Variants in XPR1 observed in about 807,000 individuals in gnomAD.
The protein encoded by XPR1 is solute carrier family 53 member 1.
XPR1 carries 28 observed loss-of-function variants against 87.5 expected under a neutral mutation model. The ratio of observed to expected loss-of-function variants is 0.32; its 90% confidence interval spans 0.24 to 0.44. The LOEUF is 0.44. Among genes scored for constraint, XPR1 ranks in the 20% least tolerant of loss-of-function variants. The pLI is 1.00. For synonymous variants in XPR1, 300 were observed against 306.1 expected (o/e 0.98, Z 0.21); for missense variants, 559 against 862.3 (o/e 0.65, Z 4.41).
chr1:180,758,146 C>T (rs189277450), intron 2 of XPR1, among the ~76,000 whole-genome samples: 10 of 150,976 alleles, frequency 6.6e-5, no homozygotes, highest in South Asian at 4.2e-4. Context: ...CACACACACA[C>T]ATTATTCAGC....
chr1:180,873,712 T>G, intron 12 of XPR1, 91 bp from the exon 13 acceptor site: 104 of 1,409,984 alleles, frequency 7.4e-5, no homozygotes, highest in Non-Finnish European at 9.6e-5. Context: ...AGGACATGTG[T>G]GAGTCTTGTT....
At chr1:180,754,314 C>G (rs1236192600) in intron 2 of XPR1, among the ~76,000 whole-genome samples, 2 of 152,006 alleles carry the variant, frequency 1.3e-5, no homozygotes, top group African/African-American at 4.8e-5. Flanking sequence ...ACTTTCCCCT[C>G]TAGTTTTATA....
At position 180,880,130 on chromosome 1, in the gene XPR1, T is replaced by C. The variant is rs1652800578; in HGVS notation, c.1863T>C (p.Gly621=). 1 of 1,614,212 alleles carries C rather than the reference T, an allele frequency of 6.2e-7. No individual in the cohort carries two copies. Among genetic ancestry groups the C allele is most frequent in the African/African-American group, 1.3e-5 (1 of 75,050 alleles). ...AGAATGAACATCTGAATAACTGTGG[T>C]GAATTCCGTGCTGTGCGGGACATCT... The part of the protein sequence containing the change: ...RLENEHLNNC[G]EFRAVRDISV... Residue 621 remains glycine (G), a synonymous_variant, in exon 14 of 15, where the codon GGT becomes GGC. Transcript: ENST00000367590.
intron 7 of XPR1, among the ~76,000 whole-genome samples, chr1:180,822,917 TA>T (rs1186657703): frequency 6.6e-6 from 1 of 152,148 alleles, no homozygotes; most frequent in Non-Finnish European, 1.5e-5. Flanking sequence ...AATACAAAGG[TA>T]AACAATAAAT....
chr1:180,762,807 A>G (rs1204993078), intron 2 of XPR1, among the ~76,000 whole-genome samples: 4 of 152,212 alleles, frequency 2.6e-5, no homozygotes, highest in African/African-American at 9.6e-5. Context: ...CCTATGACAG[A>G]GTAACTCTAC....
At chr1:180,693,721 G>A (rs960428446) in intron 2 of XPR1, among the ~76,000 whole-genome samples, 1 of 152,038 alleles carries the variant, frequency 6.6e-6, no homozygotes, top group Non-Finnish European at 1.5e-5. Flanking sequence ...ACTCCAATCC[G>A]TGCCTCTTTA....
intron 2 of XPR1, among the ~76,000 whole-genome samples, chr1:180,786,371 G>A (rs959243441): frequency 6.6e-6 from 1 of 152,154 alleles, no homozygotes; most frequent in African/African-American, 2.4e-5. Context: ...TATTTTAAGA[G>A]TTTCTGGGTC....
intron 7 of XPR1, among the ~76,000 whole-genome samples, chr1:180,820,044 T>TAC (rs1458795867): frequency 1.3e-5 from 2 of 151,632 alleles, no homozygotes; most frequent in Admixed American, 6.6e-5. Flanking sequence ...TATATATATA[T>TAC]ACACACACAT....
intron 11 of XPR1, among the ~76,000 whole-genome samples, chr1:180,845,668 G>A (rs1349106628): frequency 1.3e-5 from 2 of 152,124 alleles, no homozygotes; most frequent in East Asian, 1.9e-4. Context: ...CTACAGGGTC[G>A]TGCTACCATG....
chr1:180,851,073 AG>A (rs1373857866), intron 11 of XPR1, among the ~76,000 whole-genome samples: 5 of 152,152 alleles, frequency 3.3e-5, no homozygotes, highest in African/African-American at 1.2e-4. Context: ...CCAGGAGAGA[AG>A]GCAGAAACAC....
At chr1:180,821,386 T>G (rs1650621534) in intron 7 of XPR1, among the ~76,000 whole-genome samples, 2 of 152,224 alleles carry the variant, frequency 1.3e-5, no homozygotes, top group South Asian at 4.1e-4. Flanking sequence ...CTCTGGATTC[T>G]CAGTGCTATT....
intron 7 of XPR1, among the ~76,000 whole-genome samples, chr1:180,817,318 T>TTTTATAAATTTTTTA (rs1650444833): frequency 6.6e-6 from 1 of 152,152 alleles, no homozygotes; most frequent in African/African-American, 2.4e-5. Flanking sequence ...TTTTTATAAA[T>TTTTATAAATTTTTTA]TCAGTGTAGC....
chr1:180,748,188 G>T (rs1305532358), intron 2 of XPR1, among the ~76,000 whole-genome samples: 1 of 151,878 alleles, frequency 6.6e-6, no homozygotes, highest in East Asian at 1.9e-4. Context: ...CATTTCTATG[G>T]TGTCTAGCCA....
At chr1:180,701,464 A>G (rs1223042889) in intron 2 of XPR1, among the ~76,000 whole-genome samples, 3 of 134,290 alleles carry the variant, frequency 2.2e-5, no homozygotes. Flanking sequence ...TTCTGCATCT[A>G]TTGAGATAAT....
intron 2 of XPR1, among the ~76,000 whole-genome samples, chr1:180,761,367 C>G (rs1473486969): frequency 6.6e-6 from 1 of 152,200 alleles, no homozygotes; most frequent in South Asian, 2.1e-4. Context: ...TCGCAACCTA[C>G]TCGTCTGACA....
At chr1:180,720,786 G>A (rs868306275) in intron 2 of XPR1, among the ~76,000 whole-genome samples, 7 of 152,102 alleles carry the variant, frequency 4.6e-5, no homozygotes, top group African/African-American at 9.7e-5. Flanking sequence ...GAATACTATT[G>A]CCTTTTGTTG....
In XPR1 at chr1:180,880,290, G is replaced by A. The variant is rs139314192; in HGVS notation, c.2023G>A (p.Ala675Thr). 309 of 1,614,104 alleles carry A rather than the reference G, an allele frequency of 1.9e-4. No individual in the cohort carries two copies. Among genetic ancestry groups the A allele is most frequent in the Admixed American group, 2.2e-4 (13 of 60,014 alleles). ...QSISLRRPRLASQSKARDTKV... is the reference protein window; with the variant it reads ...QSISLRRPRLTSQSKARDTKV... ...CATATCCCTGCGCCGGCCTCGCCTC[G>A]CTTCTCAGTATGTATGGCTTCTACT... Residue 675 changes from alanine to threonine, a missense_variant, in exon 14 of 15, where the codon GCT becomes ACT. By Grantham distance (58) the Ala-to-Thr change is moderately conservative. Around this residue, in one of 7 missense-constraint regions of XPR1, gnomAD observed 80 missense variants for 99.5 expected, o/e 0.80. Coordinates refer to ENST00000367590, the MANE Select transcript of XPR1 (RefSeq NM_004736.4).
Position 180,647,444 on chromosome 1 carries a change from G to A in XPR1, c.69+15174G>A, listed in dbSNP as rs574408277. 7.9e-4 allele frequency among the ~76,000 whole-genome samples: 120 copies of A among 152,286 alleles called. 2 individuals are homozygous for A. The highest frequency in any genetic ancestry group is 7.7e-3 in the South Asian group (37 of 4,824). Reference sequence around the variant, plus strand: ...TTATGAGACCACTGTTGTATATGTGGTCTGTTGTTGACCAAAACGTCGTTA... The same window carrying A: ...TTATGAGACCACTGTTGTATATGTGATCTGTTGTTGACCAAAACGTCGTTA... On this transcript the variant is annotated intron_variant, in intron 1 of 14. Transcript: ENST00000367590.
intron 2 of XPR1, among the ~76,000 whole-genome samples, chr1:180,737,828 G>C (rs536535061): frequency 1.3e-4 from 20 of 152,130 alleles, no homozygotes; most frequent in African/African-American, 4.3e-4. Context: ...TTGCATAATG[G>C]ATATACCATG....
Sources: allele counts gnomAD v4.1 joint callset (sites outside exome capture counted in the v4.1 genomes callset), GRCh38; gene constraint gnomAD v4.1.1; regional missense constraint gnomAD v4.1.1; transcripts MANE v1.5; gene names NCBI Gene and HGNC (gene_info 2026-07-23, HGNC 2026-07-21).